PIK3C2G: variants seen among roughly 807,000 people sequenced by gnomAD.
PIK3C2G encodes phosphatidylinositol 3-kinase C2 domain-containing subunit gamma.
Under a neutral mutation model 181.1 loss-of-function variants are expected in PIK3C2G, and 168 were observed. The ratio of observed to expected loss-of-function variants is 0.93; its 90% CI spans 0.82 to 1.05. PIK3C2G has a LOEUF of 1.05. PIK3C2G is among the 50% of genes least tolerant of loss of function. PIK3C2G has a pLI of 0.00. For missense variants in PIK3C2G, 1,869 were observed against 1,732.8 expected (o/e 1.08, Z -1.40); for synonymous variants, 573 against 592.2 (o/e 0.97, Z 0.47).
chr12:18,257,845 AAG>A (rs1948163377), upstream of PIK3C2G, among the ~76,000 whole-genome samples: 1 of 113,970 alleles, frequency 8.8e-6, no homozygotes, highest in Middle Eastern at 4.1e-3. Context: ...AAGGAAAAGA[AAG>A]AGAAAGAAAG....
intron 11 of PIK3C2G, among the ~76,000 whole-genome samples, chr12:18,349,071 T>C (rs1195120630): frequency 1.3e-5 from 2 of 152,160 alleles, no homozygotes; most frequent in Non-Finnish European, 2.9e-5. Flanking sequence ...CCAGAGCAGA[T>C]GATCCAAGGA....
chr12:18,572,154 A>G (rs1945978968), intron 29 of PIK3C2G, among the ~76,000 whole-genome samples: 1 of 151,322 alleles, frequency 6.6e-6, no homozygotes, highest in African/African-American at 2.4e-5. Flanking sequence ...ATTATTTACA[A>G]ATAATGTACA....
At chr12:18,568,243 T>C (rs1361853642) in intron 29 of PIK3C2G, among the ~76,000 whole-genome samples, 1 of 152,004 alleles carries the variant, frequency 6.6e-6, no homozygotes, top group Non-Finnish European at 1.5e-5. Flanking sequence ...TCTAAGAAAA[T>C]GTGCAAGGAC....
the PIK3C2G span, among the ~76,000 whole-genome samples, chr12:18,680,869 A>G: frequency 6.6e-6 from 1 of 152,092 alleles, no homozygotes; most frequent in Non-Finnish European, 1.5e-5. Context: ...CGTCAAGAAC[A>G]GGGGTCAATT....
At chr12:18,666,258 T>C in the PIK3C2G span, among the ~76,000 whole-genome samples, 1 of 149,996 alleles carries the variant, frequency 6.7e-6, no homozygotes, top group African/African-American at 2.5e-5. Context: ...TTAATTTCAT[T>C]AAATATAAGT....
intron 12 of PIK3C2G, among the ~76,000 whole-genome samples, chr12:18,367,466 T>C (rs1054253892): frequency 2.6e-5 from 4 of 152,324 alleles, no homozygotes; most frequent in Non-Finnish European, 4.4e-5. Context: ...TTTTTCTCCA[T>C]TAAGTCTAGC....
chr12:18,353,928 T>C (rs192566026), intron 11 of PIK3C2G, among the ~76,000 whole-genome samples: 6 of 152,330 alleles, frequency 3.9e-5, no homozygotes, highest in Non-Finnish European at 8.8e-5. Flanking sequence ...CACCTGTAAG[T>C]GTCTCTTCTT....
At chr12:18,496,925 T>A (rs1286138939) in intron 21 of PIK3C2G, among the ~76,000 whole-genome samples, 1 of 152,172 alleles carries the variant, frequency 6.6e-6, no homozygotes, top group Non-Finnish European at 1.5e-5. Context: ...CAAAATCTTA[T>A]CTTGGCAGGA....
the PIK3C2G span, chr12:18,683,436 C>A: frequency 6.9e-7 from 1 of 1,445,324 alleles, no homozygotes; most frequent in Admixed American, 1.9e-5. Context: ...AAAACCATGA[C>A]TATAGAGTTA....
chr12:18,356,811 T>G (rs2137751392), intron 11 of PIK3C2G, among the ~76,000 whole-genome samples: 1 of 148,096 alleles, frequency 6.8e-6, no homozygotes, highest in Non-Finnish European at 1.5e-5. Context: ...AGCTGCTTTT[T>G]CTCTTCTTTC....
intron 29 of PIK3C2G, among the ~76,000 whole-genome samples, chr12:18,575,810 A>C (rs1320642366): frequency 6.6e-6 from 1 of 152,242 alleles, no homozygotes; most frequent in Non-Finnish European, 1.5e-5. Flanking sequence ...CAAAATGACT[A>C]TATTTATCTC....
At chr12:18,448,634 A>T (rs190932266) in intron 18 of PIK3C2G, among the ~76,000 whole-genome samples, 1 of 151,898 alleles carries the variant, frequency 6.6e-6, no homozygotes, top group East Asian at 1.9e-4. Context: ...ATTGTACAGT[A>T]TTTTTCTTTC....
intron 18 of PIK3C2G, among the ~76,000 whole-genome samples, chr12:18,484,605 G>C (rs1162222550): frequency 6.6e-6 from 1 of 152,082 alleles, no homozygotes; most frequent in Non-Finnish European, 1.5e-5. Context: ...TCAACAGTTA[G>C]TGCTGCTATT....
intron 18 of PIK3C2G, among the ~76,000 whole-genome samples, chr12:18,457,677 A>AT (rs142719647): frequency 0.037 from 5,547 of 151,218 alleles, 315 homozygotes; most frequent in African/African-American, 0.12. Flanking sequence ...AGGTGCACTG[A>AT]TTTTTTTTTA....
chr12:18,290,176 C>G (rs1217399316), intron 3 of PIK3C2G, among the ~76,000 whole-genome samples: 3 of 152,094 alleles, frequency 2.0e-5, no homozygotes, highest in East Asian at 3.9e-4. Flanking sequence ...AAAAATTGGT[C>G]AAATAACTTG....
At chr12:18,467,690 A>G (rs1938040375) in intron 18 of PIK3C2G, among the ~76,000 whole-genome samples, 1 of 151,968 alleles carries the variant, frequency 6.6e-6, no homozygotes, top group African/African-American at 2.4e-5. Context: ...GGGTAAGAGA[A>G]GAGAGCAGAA....
chr12:18,288,895 A>C (rs959062954), intron 3 of PIK3C2G, among the ~76,000 whole-genome samples: 5 of 152,174 alleles, frequency 3.3e-5, no homozygotes, highest in Admixed American at 2.6e-4. Flanking sequence ...CCAGTGACTT[A>C]TAGTGCATTT....
At chr12:18,406,747 T>G (rs1306125307) in intron 16 of PIK3C2G, among the ~76,000 whole-genome samples, 2 of 152,240 alleles carry the variant, frequency 1.3e-5, no homozygotes, top group Non-Finnish European at 1.5e-5. Context: ...AGAGTGTAAC[T>G]TCTTCCTCTC....
chr12:18,606,054 A>G lies in PIK3C2G; in HGVS notation c.4088-3481A>G, dbSNP rs186853605. Reference sequence around the variant, plus strand: ...AGCTACAGAAATAATAAGCCTCTCTACTCCTACTGCTACATTGACTACTGA... The same window carrying G: ...AGCTACAGAAATAATAAGCCTCTCTGCTCCTACTGCTACATTGACTACTGA... On this transcript the variant is annotated intron_variant, in intron 30 of 32. Coordinates refer to ENST00000538779, the MANE Select transcript of PIK3C2G (RefSeq NM_001288772.2). 3.9e-5 allele frequency among the ~76,000 whole-genome samples: 6 copies of G among 152,062 alleles called. 1 individual carries two copies. The highest frequency in any genetic ancestry group is 3.3e-4 in the Admixed American group (5 of 15,254).
Sources: allele counts gnomAD v4.1 joint callset (sites outside exome capture counted in the v4.1 genomes callset), GRCh38; gene constraint gnomAD v4.1.1; transcripts MANE v1.5; gene names NCBI Gene and HGNC (gene_info 2026-07-23, HGNC 2026-07-21).